TTC28: variants seen among roughly 807,000 people sequenced by gnomAD.
TTC28 encodes tetratricopeptide repeat domain 28.
In TTC28, 61 loss-of-function variants were observed where a neutral mutation model predicts 198.0. The ratio of observed to expected loss-of-function variants is 0.31; its 90% CI spans 0.25 to 0.38. TTC28 has a LOEUF of 0.38. TTC28 is among the 10% of genes least tolerant of loss of function. TTC28 has a pLI of 1.00. For synonymous variants in TTC28, 1,171 were observed against 1,297.8 expected (o/e 0.90, Z 2.10); for missense variants, 2,678 against 3,164.0 (o/e 0.85, Z 3.69).
chr22:28,579,130 A>G (rs970695764), intron 2 of TTC28, among the ~76,000 whole-genome samples: 3 of 151,164 alleles, frequency 2.0e-5, no homozygotes, highest in Non-Finnish European at 4.4e-5. Context: ...ATACATACAT[A>G]TAGCCATATA....
chr22:28,001,303 C>T (rs1194370446), intron 15 of TTC28, 71 bp downstream of exon 15: 1 of 1,497,174 alleles, frequency 6.7e-7, no homozygotes, highest in African/African-American at 1.4e-5. Flanking sequence ...ACAGCCCAGT[C>T]CGACCAGATA....
At chr22:28,009,661 G>C (rs1305451023) in intron 14 of TTC28, among the ~76,000 whole-genome samples, 1 of 152,192 alleles carries the variant, frequency 6.6e-6, no homozygotes, top group Non-Finnish European at 1.5e-5. Context: ...AATTCGGCAT[G>C]GCCCACCGGC....
intron 2 of TTC28, among the ~76,000 whole-genome samples, chr22:28,619,939 G>C (rs2050966153): frequency 6.6e-6 from 1 of 152,162 alleles, no homozygotes; most frequent in Non-Finnish European, 1.5e-5. Flanking sequence ...TTTAAGAAGA[G>C]ACAAGACCAC....
intron 16 of TTC28, among the ~76,000 whole-genome samples, chr22:27,996,698 G>A (rs940055002): frequency 2.6e-5 from 4 of 152,034 alleles, no homozygotes; most frequent in Non-Finnish European, 4.4e-5. Flanking sequence ...AACCAAGTTC[G>A]GCTGGGAAAG....
intron 6 of TTC28, among the ~76,000 whole-genome samples, chr22:28,121,691 A>G (rs1051378065): frequency 6.6e-6 from 1 of 152,174 alleles, no homozygotes; most frequent in Non-Finnish European, 1.5e-5. Context: ...TGCACCCAAT[A>G]TTCATTTTCA....
intron 2 of TTC28, among the ~76,000 whole-genome samples, chr22:28,499,996 C>T (rs1006809046): frequency 6.6e-6 from 1 of 152,102 alleles, no homozygotes; most frequent in Admixed American, 6.6e-5. Context: ...TAACTATAGT[C>T]ATCTTACAGT....
chr22:28,203,385 CA>C (rs982759461), intron 5 of TTC28, among the ~76,000 whole-genome samples: 34 of 152,070 alleles, frequency 2.2e-4, no homozygotes, highest in African/African-American at 8.2e-4. Context: ...AGTACACACT[CA>C]AAAAATGGTA....
chr22:28,095,316 T>C (rs889891434), intron 11 of TTC28, among the ~76,000 whole-genome samples: 5 of 149,830 alleles, frequency 3.3e-5, no homozygotes, highest in Non-Finnish European at 5.9e-5. Flanking sequence ...ATAGAATGTA[T>C]ACGCACAAAT....
rs141751252 is a variant in TTC28 at position 28,475,986 on chromosome 22, T to C, written c.381+153566A>G. Among the ~76,000 whole-genome samples, 113 of 152,308 alleles carry C rather than the reference T, an allele frequency of 7.4e-4. No individual in the cohort carries two copies. The South Asian group carries it at 0.013, about 17-fold the overall frequency. Reference sequence around the variant, plus strand: ...CCTCTTTTGCCTCATTTTGTCTCCATTGTTCTACACAAAAGCCAGAGTAGC... The same window carrying C: ...CCTCTTTTGCCTCATTTTGTCTCCACTGTTCTACACAAAAGCCAGAGTAGC... On this transcript the variant is annotated intron_variant, in intron 2 of 22. Transcript: ENST00000397906.
rs1198809503 is a variant in TTC28 at position 28,501,391 on chromosome 22, G to A, written c.381+128161C>T. 5.9e-5 allele frequency among the ~76,000 whole-genome samples: 9 copies of A among 152,240 alleles called. 1 individual carries two copies. Among genetic ancestry groups the A allele is most frequent in the Admixed American group, 3.9e-4 (6 of 15,292 alleles). On this transcript the variant is annotated intron_variant, in intron 2 of 22. Transcript: ENST00000397906. ...GTGTAAAAGTAGAAAATGGTATGAC[G>A]TGTGAAGGGAACTGTGATGAGTTTG...
intron 1 of TTC28, among the ~76,000 whole-genome samples, chr22:28,636,977 T>C (rs1257187463): frequency 2.6e-5 from 4 of 151,312 alleles, no homozygotes; most frequent in Non-Finnish European, 5.9e-5. Flanking sequence ...TGTTTTCTTC[T>C]AGGAGTTTTA....
At chr22:28,560,939 T>C (rs1012447799) in intron 2 of TTC28, among the ~76,000 whole-genome samples, 31 of 151,848 alleles carry the variant, frequency 2.0e-4, no homozygotes, top group African/African-American at 7.3e-4. Flanking sequence ...GTAATTTTAG[T>C]AGAGATAGGG....
At chr22:28,575,548 T>A (rs1268006852) in intron 2 of TTC28, among the ~76,000 whole-genome samples, 1 of 152,186 alleles carries the variant, frequency 6.6e-6, no homozygotes, top group African/African-American at 2.4e-5. Flanking sequence ...CTGTGAAGAA[T>A]GTGATTGTTA....
At chr22:28,171,294 T>C (rs1416913628) in intron 5 of TTC28, among the ~76,000 whole-genome samples, 2 of 152,174 alleles carry the variant, frequency 1.3e-5, no homozygotes, top group African/African-American at 4.8e-5. Flanking sequence ...GCTAGAGCCA[T>C]GTGGCTGCCT....
At chr22:28,221,160 C>T (rs531099248) in intron 5 of TTC28, among the ~76,000 whole-genome samples, 1 of 152,124 alleles carries the variant, frequency 6.6e-6, no homozygotes, top group Non-Finnish European at 1.5e-5. Flanking sequence ...AATACGGGCC[C>T]TAGGAGGAGG....
chr22:28,647,384 T>C (rs1569081998), intron 1 of TTC28, among the ~76,000 whole-genome samples: 2 of 151,826 alleles, frequency 1.3e-5, no homozygotes, highest in African/African-American at 4.8e-5. Flanking sequence ...AATAAATAAA[T>C]AGGACTTAAA....
intron 2 of TTC28, among the ~76,000 whole-genome samples, chr22:28,460,209 G>T (rs770625437): frequency 2.0e-5 from 3 of 152,116 alleles, no homozygotes; most frequent in Admixed American, 6.6e-5. Context: ...TTAACATGAA[G>T]ATTTTAATAT....
intron 21 of TTC28, among the ~76,000 whole-genome samples, chr22:27,987,731 G>T (rs1343262525): frequency 1.3e-5 from 2 of 152,124 alleles, no homozygotes; most frequent in African/African-American, 4.8e-5. Flanking sequence ...GGTTGTGGTT[G>T]TGGCTTCCTC....
chr22:28,542,062 C>G (rs549073230), intron 2 of TTC28, among the ~76,000 whole-genome samples: 1 of 152,140 alleles, frequency 6.6e-6, no homozygotes, highest in South Asian at 2.1e-4. Context: ...GCACTCCAGC[C>G]TGGGTAACAG....
Sources: gnomAD v4.1 joint callset for allele counts (sites outside exome capture counted in the v4.1 genomes callset) on GRCh38, gnomAD v4.1.1 for gene constraint, MANE v1.5 for transcripts, NCBI Gene and HGNC (gene_info 2026-07-23, HGNC 2026-07-21) for gene names.